The following CTNNA2 variants were observed in gnomAD, a reference collection of about 807,000 sequenced individuals.
The protein encoded by CTNNA2 is catenin alpha-2.
In CTNNA2, 42 loss-of-function variants were observed where a neutral mutation model predicts 101.0. The ratio of observed to expected loss-of-function variants is 0.42; its 90% CI spans 0.32 to 0.54. The LOEUF is 0.54. Ranked by LOEUF, CTNNA2 falls within the 20% of genes least tolerant of loss-of-function variation. The probability of loss-of-function intolerance (pLI) is 0.14; values close to 1 mark genes in which losing one functional copy is unlikely to be tolerated. For missense variants in CTNNA2, 871 were observed against 1,223.1 expected (o/e 0.71, Z 4.29); for synonymous variants, 450 against 456.4 (o/e 0.99, Z 0.18).
At chr2:79,480,712 T>C (rs1019714285) in intron 4 of CTNNA2, among the ~76,000 whole-genome samples, 2 of 152,266 alleles carry the variant, frequency 1.3e-5, no homozygotes, top group Admixed American at 6.5e-5. Flanking sequence ...TCAGCAATAA[T>C]GTTTTATGCT....
Position 79,817,891 on chromosome 2 carries a change from A to G in CTNNA2, c.299-40122A>G, listed in dbSNP as rs558647123. On this transcript the variant is annotated intron_variant, in intron 3 of 18. Coordinates refer to ENST00000402739, the MANE Select transcript of CTNNA2 (RefSeq NM_001282597.3). ...CTACTCCTTCCAATTATATTGCACCATCGATGTAAATAACCCCCTCTCCCA... is the reference window on the plus strand; with the variant it reads ...CTACTCCTTCCAATTATATTGCACCGTCGATGTAAATAACCCCCTCTCCCA... 7.2e-5 allele frequency among the ~76,000 whole-genome samples: 11 copies of G among 152,306 alleles called. No individual in the cohort carries two copies. In the South Asian group the frequency reaches 1.0e-3, roughly 14 times the overall value.
intron 7 of CTNNA2, among the ~76,000 whole-genome samples, chr2:80,110,572 G>C (rs909098865): frequency 6.6e-6 from 1 of 152,126 alleles, no homozygotes; most frequent in Non-Finnish European, 1.5e-5. Flanking sequence ...GGGTCATCAG[G>C]GTTTTGTTTA....
intron 3 of CTNNA2, among the ~76,000 whole-genome samples, chr2:79,747,451 T>C (rs1485928215): frequency 6.6e-6 from 1 of 152,204 alleles, no homozygotes; most frequent in Non-Finnish European, 1.5e-5. Context: ...GAAACCATCT[T>C]TGCACTGAAG....
At chr2:79,855,473 C>A (rs1254721351) in intron 3 of CTNNA2, among the ~76,000 whole-genome samples, 1 of 152,232 alleles carries the variant, frequency 6.6e-6, no homozygotes, top group Admixed American at 6.5e-5. Context: ...CCCTCCAGAG[C>A]CCCTCGTTCT....
At chr2:80,556,085 T>C (rs1037567144) in intron 12 of CTNNA2, among the ~76,000 whole-genome samples, 192 bp downstream of exon 12, 1 of 152,222 alleles carries the variant, frequency 6.6e-6, no homozygotes, top group East Asian at 1.9e-4. Context: ...AGAATGACAG[T>C]TGTACTGCTT....
At chr2:79,393,612 A>G (rs1678197622) in intron 4 of CTNNA2, among the ~76,000 whole-genome samples, 2 of 145,368 alleles carry the variant, frequency 1.4e-5, no homozygotes, top group Non-Finnish European at 3.0e-5. Flanking sequence ...GTAGGATAAA[A>G]GAAGATGTTC....
At chr2:79,588,140 G>A (rs1676615677) in intron 1 of CTNNA2, among the ~76,000 whole-genome samples, 1 of 152,152 alleles carries the variant, frequency 6.6e-6, no homozygotes, top group African/African-American at 2.4e-5. Flanking sequence ...CAAGATCCTG[G>A]GGATATGGAG....
At chr2:80,249,627 G>A (rs1002030044) in intron 7 of CTNNA2, among the ~76,000 whole-genome samples, 23 of 152,088 alleles carry the variant, frequency 1.5e-4, no homozygotes, top group African/African-American at 4.8e-4. Context: ...GGTGGCTCAC[G>A]GTCACACAGT....
intron 4 of CTNNA2, among the ~76,000 whole-genome samples, chr2:79,427,389 C>T (rs566833197): frequency 1.0e-3 from 153 of 151,774 alleles, no homozygotes; most frequent in African/African-American, 3.3e-3. Flanking sequence ...TCTTCAAAGG[C>T]TTGTAATATG....
At chr2:79,414,055 G>A (rs1050311009) in intron 4 of CTNNA2, among the ~76,000 whole-genome samples, 4 of 149,682 alleles carry the variant, frequency 2.7e-5, no homozygotes, top group African/African-American at 7.4e-5. Flanking sequence ...TTTTAGAGTT[G>A]ATAACATTGA....
intron 7 of CTNNA2, among the ~76,000 whole-genome samples, chr2:80,392,589 A>G (rs958598176): frequency 8.6e-5 from 13 of 151,654 alleles, no homozygotes; most frequent in African/African-American, 2.7e-4. Flanking sequence ...TTTTTTCTCT[A>G]CCTCTGCCTG....
chr2:79,664,705 C>CTTTTTTTTTT (rs67782114), intron 2 of CTNNA2, among the ~76,000 whole-genome samples: 1 of 94,986 alleles, frequency 1.1e-5, no homozygotes, highest in African/African-American at 4.4e-5. Flanking sequence ...TCACATTCTT[C>CTTTTTTTTTT]TTTTTTTTTT....
intron 14 of CTNNA2, among the ~76,000 whole-genome samples, chr2:80,584,144 T>C (rs1332000257): frequency 1.3e-5 from 2 of 152,076 alleles, no homozygotes; most frequent in Admixed American, 1.3e-4. Flanking sequence ...GTGTGCTAAG[T>C]TGGTCCAAAT....
chr2:79,509,741 A>T (rs1671495209), upstream of CTNNA2, among the ~76,000 whole-genome samples: 2 of 152,192 alleles, frequency 1.3e-5, no homozygotes, highest in South Asian at 4.1e-4. Context: ...CTCTGATGTA[A>T]ACTATGGACT....
At chr2:79,659,253 A>G (rs1355307166) in intron 2 of CTNNA2, among the ~76,000 whole-genome samples, 2 of 142,810 alleles carry the variant, frequency 1.4e-5, no homozygotes, top group East Asian at 2.1e-4. Context: ...ACACTTTCTT[A>G]TAGAATTTAC....
At chr2:79,849,319 G>T in intron 3 of CTNNA2, among the ~76,000 whole-genome samples, 1 of 150,668 alleles carries the variant, frequency 6.6e-6, no homozygotes, top group African/African-American at 2.4e-5. Context: ...AAGCAGATAA[G>T]GCTTTCTTCT....
intron 7 of CTNNA2, among the ~76,000 whole-genome samples, chr2:79,912,557 T>C (rs1358771652): frequency 6.6e-6 from 1 of 152,182 alleles, no homozygotes; most frequent in Non-Finnish European, 1.5e-5. Context: ...GGGGTGAAAA[T>C]CATCACAGAT....
At chr2:79,341,754 A>G (rs1384797737) in intron 3 of CTNNA2, among the ~76,000 whole-genome samples, 2 of 152,352 alleles carry the variant, frequency 1.3e-5, no homozygotes, top group East Asian at 1.9e-4. Flanking sequence ...TTTCTCTCCC[A>G]TAATAACCCA....
At chr2:79,811,097 C>T (rs912138383) in intron 3 of CTNNA2, among the ~76,000 whole-genome samples, 9 of 150,588 alleles carry the variant, frequency 6.0e-5, no homozygotes, top group Admixed American at 1.3e-4. Context: ...CCTGAGGGAT[C>T]GCCACACTGA....
Sources: allele counts gnomAD v4.1 joint callset (sites outside exome capture counted in the v4.1 genomes callset), GRCh38; gene constraint gnomAD v4.1.1; transcripts MANE v1.5; gene names NCBI Gene and HGNC (gene_info 2026-07-23, HGNC 2026-07-21).